The following SPAG16 variants were observed in gnomAD, a reference collection of about 807,000 sequenced individuals.
The protein encoded by SPAG16 is sperm associated antigen 16, also known as sperm-associated antigen 16 protein.
In SPAG16, 86 loss-of-function variants were observed where a neutral mutation model predicts 80.4. The ratio of observed to expected loss-of-function variants is 1.07; its 90% CI spans 0.90 to 1.28. SPAG16 has a LOEUF of 1.28. Ranked by LOEUF, SPAG16 falls within the 50% of genes most tolerant of loss-of-function variation. The pLI is 0.00. For synonymous variants in SPAG16, 294 were observed against 265.9 expected (o/e 1.11, Z -1.03); for missense variants, 870 against 765.3 (o/e 1.14, Z -1.61).
intron 9 of SPAG16, among the ~76,000 whole-genome samples, chr2:213,416,416 A>G (rs1162224374): frequency 6.6e-6 from 1 of 152,108 alleles, no homozygotes; most frequent in African/African-American, 2.4e-5. Flanking sequence ...GTCATAGCCT[A>G]TATTGGTTAC....
Position 214,206,609 on chromosome 2 carries a change from A to G in SPAG16, c.1720+57343A>G, listed in dbSNP as rs563872560. ...GAGTACAGTCGTCTCTTCAATATACATATTTCCCTTATTTTGGACATATAC... is the reference window on the plus strand; with the variant it reads ...GAGTACAGTCGTCTCTTCAATATACGTATTTCCCTTATTTTGGACATATAC... On this transcript the variant is annotated intron_variant, in intron 15 of 15. Transcript: ENST00000331683. Among the ~76,000 whole-genome samples the G allele has an allele frequency of 5.3e-5, 8 of 152,260 alleles. No individual in the cohort carries two copies. The South Asian group carries it at 1.5e-3, about 28-fold the overall frequency.
chr2:213,946,794 G>T (rs2079497190), intron 12 of SPAG16, among the ~76,000 whole-genome samples: 1 of 151,966 alleles, frequency 6.6e-6, no homozygotes, highest in Non-Finnish European at 1.5e-5. Flanking sequence ...CCATAATCAG[G>T]ATACAGATTT....
intron 12 of SPAG16, among the ~76,000 whole-genome samples, chr2:213,930,598 G>A (rs1310423264): frequency 6.6e-5 from 10 of 152,070 alleles, no homozygotes; most frequent in African/African-American, 1.9e-4. Flanking sequence ...TTGATTAAAT[G>A]TTTCTTGTCG....
intron 7 of SPAG16, among the ~76,000 whole-genome samples, chr2:213,358,108 G>A (rs1389328109): frequency 1.3e-5 from 2 of 152,150 alleles, no homozygotes; most frequent in African/African-American, 2.4e-5. Context: ...GGCTTGTAGG[G>A]TTTCTGCCGA....
intron 13 of SPAG16, among the ~76,000 whole-genome samples, chr2:214,059,993 C>T (rs1252705433): frequency 6.6e-6 from 1 of 152,132 alleles, no homozygotes; most frequent in Non-Finnish European, 1.5e-5. Flanking sequence ...AGCCCTGTAT[C>T]ACTCACAGGA....
intron 9 of SPAG16, among the ~76,000 whole-genome samples, chr2:213,445,272 A>G (rs1305975108): frequency 6.6e-6 from 1 of 152,258 alleles, no homozygotes; most frequent in African/African-American, 2.4e-5. Flanking sequence ...AGAGATTAAT[A>G]ACCAGAGTAT....
At chr2:214,016,692 T>C (rs1575834852) in intron 13 of SPAG16, among the ~76,000 whole-genome samples, 1 of 152,262 alleles carries the variant, frequency 6.6e-6, no homozygotes, top group East Asian at 1.9e-4. Flanking sequence ...AGAGAAAAGA[T>C]AACAGAGTTT....
chr2:213,593,111 G>C (rs1349630226), intron 10 of SPAG16, among the ~76,000 whole-genome samples: 1 of 151,786 alleles, frequency 6.6e-6, no homozygotes, highest in Non-Finnish European at 1.5e-5. Context: ...CTAATATACT[G>C]ATTTCTCATT....
At chr2:213,454,400 C>T (rs2071878868) in intron 9 of SPAG16, among the ~76,000 whole-genome samples, 2 of 152,068 alleles carry the variant, frequency 1.3e-5, no homozygotes. Flanking sequence ...AGGATAATAA[C>T]AAGATTATAT....
intron 13 of SPAG16, among the ~76,000 whole-genome samples, chr2:214,039,930 T>C (rs909402205): frequency 2.0e-5 from 3 of 152,180 alleles, no homozygotes; most frequent in Admixed American, 2.0e-4. Flanking sequence ...CTAGGGTTGC[T>C]TGCAGCTGAT....
intron 10 of SPAG16, among the ~76,000 whole-genome samples, chr2:213,550,931 G>GT (rs375015899): frequency 2.3e-4 from 35 of 151,458 alleles, no homozygotes; most frequent in Non-Finnish European, 3.2e-4. Flanking sequence ...TTAAATCAAA[G>GT]TTTTTTTTAC....
chr2:214,017,976 T>G (rs4673806), intron 13 of SPAG16, among the ~76,000 whole-genome samples: 63,446 of 151,792 alleles, frequency 0.42, 13,549 homozygotes, highest in South Asian at 0.69. Context: ...CATCATTAAT[T>G]AGAAATAAAG....
At chr2:213,676,503 G>A (rs2064084401) in intron 10 of SPAG16, among the ~76,000 whole-genome samples, 1 of 151,700 alleles carries the variant, frequency 6.6e-6, no homozygotes, top group Non-Finnish European at 1.5e-5. Flanking sequence ...CATTCAGTAT[G>A]ATATTGGCTG....
At chr2:213,846,523 C>A (rs1035804651) in intron 10 of SPAG16, among the ~76,000 whole-genome samples, 6 of 151,850 alleles carry the variant, frequency 4.0e-5, no homozygotes, top group African/African-American at 1.5e-4. Context: ...TTAGTAAAAC[C>A]AGTCCATGTC....
intron 13 of SPAG16, among the ~76,000 whole-genome samples, chr2:214,083,639 C>T (rs2051528078): frequency 6.6e-6 from 1 of 152,008 alleles, no homozygotes; most frequent in Non-Finnish European, 1.5e-5. Flanking sequence ...CATATCTGAC[C>T]TGGGGATCTG....
intron 10 of SPAG16, among the ~76,000 whole-genome samples, chr2:213,577,954 C>G (rs1200236819): frequency 6.6e-6 from 1 of 152,140 alleles, no homozygotes; most frequent in Non-Finnish European, 1.5e-5. Context: ...GAGGAACTTC[C>G]TCTGCTTGCA....
intron 9 of SPAG16, among the ~76,000 whole-genome samples, chr2:213,479,965 T>G (rs559845084): frequency 2.6e-5 from 4 of 152,192 alleles, no homozygotes; most frequent in Admixed American, 6.5e-5. Context: ...ACCTAGTTCA[T>G]TCATTTGAAT....
At chr2:213,585,903 G>T (rs755640774) in intron 10 of SPAG16, among the ~76,000 whole-genome samples, 2 of 152,052 alleles carry the variant, frequency 1.3e-5, no homozygotes, top group Admixed American at 6.6e-5. Context: ...GATTAAAAGG[G>T]ACTGCTTTTG....
At chr2:213,791,056 G>A (rs568215368) in intron 10 of SPAG16, among the ~76,000 whole-genome samples, 5 of 151,992 alleles carry the variant, frequency 3.3e-5, no homozygotes, top group African/African-American at 1.2e-4. Context: ...AATTTGAAAT[G>A]GTCTCCAATT....
Sources: gnomAD v4.1 joint callset for allele counts (sites outside exome capture counted in the v4.1 genomes callset) on GRCh38, gnomAD v4.1.1 for gene constraint, MANE v1.5 for transcripts, NCBI Gene and HGNC (gene_info 2026-07-23, HGNC 2026-07-21) for gene names.